SMAD4: variants seen among roughly 807,000 people sequenced by gnomAD.
The protein encoded by SMAD4 is MAD homolog 4.
A neutral mutation model predicts 63.2 loss-of-function variants in SMAD4; 7 were observed. The observed-to-expected ratio is 0.11, with a 90% CI of 0.06 to 0.21. The LOEUF is 0.21. Among genes scored for constraint, SMAD4 ranks in the 10% least tolerant of loss-of-function variants. The pLI, the probability that SMAD4 is intolerant of heterozygous loss-of-function variation, is 1.00. For missense variants in SMAD4, 312 were observed against 693.8 expected, an observed-to-expected ratio of 0.45 and a Z score of 6.18; for synonymous variants, 215 against 235.4, an observed-to-expected ratio of 0.91 and a Z score of 0.79.
rs1294320288 is a variant in SMAD4, at chr18:51,030,614, C to G, written c.-137C>G. The stretch of plus-strand genomic sequence containing the variant: ...GAGAGCGGACTCCCCTCGCCACCGC[C>G]CGAGCCCAGGTAACCGCGCCATGTC... On this transcript the variant is annotated 5_prime_UTR_variant, in exon 1 of 12. Coordinates refer to ENST00000342988, the MANE Select transcript of SMAD4 (RefSeq NM_005359.6). 1 of 149,986 alleles carries G rather than the reference C, an allele frequency of 6.7e-6. No individual in the cohort carries two copies. Among genetic ancestry groups the G allele is most frequent in the Non-Finnish European group, 1.5e-5 (1 of 67,156 alleles). The allele number at this position is 149,986 out of a possible 1,614,324, so 9.3% of individuals were successfully genotyped here.
At chr18:51,066,314 A>T (rs1910149727) in intron 9 of SMAD4, among the ~76,000 whole-genome samples, 1 of 151,296 alleles carries the variant, frequency 6.6e-6, no homozygotes. Flanking sequence ...ACTGCACCCC[A>T]GCCTGGGTGA....
intron 11 of SMAD4, chr18:51,077,408 C>A: frequency 1.0e-6 from 1 of 984,632 alleles, no homozygotes; most frequent in Non-Finnish European, 1.2e-6. Context: ...TGTTCTTAAC[C>A]TCTTCAGTGT....
intron 1 of SMAD4, among the ~76,000 whole-genome samples, chr18:51,043,528 A>G (rs1000278095): frequency 9.2e-5 from 14 of 152,226 alleles, no homozygotes; most frequent in Non-Finnish European, 1.9e-4. Context: ...TAATGTAGGA[A>G]TACATCTCTT....
At chr18:51,049,398 A>G in intron 4 of SMAD4, 74 bp downstream of exon 4, 1 of 1,062,742 alleles carries the variant, frequency 9.4e-7, no homozygotes, top group Non-Finnish European at 1.5e-6. Context: ...ACCTAGAATT[A>G]GTTTGTGTGA....
intron 1 of SMAD4, among the ~76,000 whole-genome samples, chr18:51,036,473 A>G (rs1003037047): frequency 6.6e-5 from 10 of 152,184 alleles, no homozygotes; most frequent in Admixed American, 1.3e-4. Flanking sequence ...TAATGGGGTA[A>G]GCTAAGCCAG....
chr18:51,057,271 G>T (rs1350074018), intron 5 of SMAD4, among the ~76,000 whole-genome samples: 1 of 151,942 alleles, frequency 6.6e-6, no homozygotes, highest in African/African-American at 2.4e-5. Context: ...TTCCAAATAG[G>T]ATTAACAGTC....
In SMAD4 at chr18:51,059,915, T is replaced by C. The variant is rs773615487; in HGVS notation, c.954T>C (p.Pro318=). ...LAFQPPISNH[P]APEYWCSIAY... ...TCCAGCCTCCCATTTCCAATCATCC[T>C]GGTAAGTGTATTTCAAAATTGATTT... is the stretch of plus-strand genomic sequence containing the variant. Residue 318 remains proline (P), a splice_region_variant and synonymous_variant, in exon 8 of 12, where the codon CCT becomes CCC. Coordinates refer to ENST00000342988, the MANE Select transcript of SMAD4 (RefSeq NM_005359.6). 5 of 1,609,634 alleles carry C rather than the reference T, an allele frequency of 3.1e-6. No individual in the cohort carries two copies. The South Asian group carries it at 4.4e-5, about 14-fold the overall frequency.
chr18:51,062,798 C>T (rs1910049259), intron 8 of SMAD4, among the ~76,000 whole-genome samples: 1 of 150,332 alleles, frequency 6.7e-6, no homozygotes, highest in African/African-American at 2.4e-5. Flanking sequence ...CATGCCTGGC[C>T]CTTTTAAAGT....
chr18:51,083,890 A>G lies in SMAD4; in HGVS notation c.*5423A>G, dbSNP rs1024819558. 1.3e-5 allele frequency: 3 copies of G among 231,170 alleles called. No homozygotes were observed. The highest frequency in any genetic ancestry group is 2.6e-5 in the Non-Finnish European group (3 of 116,780). 14.3% of individuals were successfully genotyped at this position (231,170 alleles called of 1,614,324 possible). A position where few individuals can be genotyped will look rare whatever the true frequency, so the allele number is the denominator to read the frequency against. Reference sequence around the variant, plus strand: ...CAAAGGAGACTAGGCTTGATATTTTATTACTGTTCTTTTATGGACAAAAGG... The same window carrying G: ...CAAAGGAGACTAGGCTTGATATTTTGTTACTGTTCTTTTATGGACAAAAGG... On this transcript the variant is annotated 3_prime_UTR_variant, in exon 12 of 12. Transcript: ENST00000342988.
rs886053930 is a variant in SMAD4 at position 51,084,043 on chromosome 18, C to G, written c.*5576C>G. ...ACACACACACACACACACACACACACAGGTCAGAGTTTAAGGCTTTCGAGT... is the reference window on the plus strand; with the variant it reads ...ACACACACACACACACACACACACAGAGGTCAGAGTTTAAGGCTTTCGAGT... On this transcript the variant is annotated 3_prime_UTR_variant, in exon 12 of 12. Transcript: ENST00000342988. 9 of 226,690 alleles carry G rather than the reference C, an allele frequency of 4.0e-5. No homozygotes were observed. The highest frequency in any genetic ancestry group is 1.6e-4 in the African/African-American group (7 of 44,022). The allele number at this position is 226,690 out of a possible 1,614,324, so 14.0% of individuals were successfully genotyped here.
intron 11 of SMAD4, among the ~76,000 whole-genome samples, chr18:51,077,647 A>G (rs1261089058): frequency 6.6e-6 from 1 of 152,162 alleles, no homozygotes; most frequent in Non-Finnish European, 1.5e-5. Flanking sequence ...TTGATTTTTT[A>G]AAATTTGGGG....
At chr18:51,047,842 C>T (rs1490542421) in intron 2 of SMAD4, among the ~76,000 whole-genome samples, 3 of 152,162 alleles carry the variant, frequency 2.0e-5, no homozygotes, top group African/African-American at 7.2e-5. Context: ...CCGCTGACCT[C>T]AGGTGATCCA....
chr18:51,065,330 C>T, intron 8 of SMAD4, 93 bp from the exon 9 acceptor site: 1 of 1,022,540 alleles, frequency 9.8e-7, no homozygotes, highest in Non-Finnish European at 1.6e-6. Context: ...CTCCCTTTAC[C>T]CTTTCTTTTA....
Position 51,084,826 on chromosome 18 carries a change from C to G in SMAD4, c.*6359C>G. 8.7e-6 allele frequency: 2 copies of G among 228,590 alleles called. No individual in the cohort carries two copies. The highest frequency in any genetic ancestry group is 1.7e-5 in the Non-Finnish European group (2 of 115,150). 14.2% of individuals were successfully genotyped at this position (228,590 alleles called of 1,614,324 possible). A position where few individuals can be genotyped will look rare whatever the true frequency, so the allele number is the denominator to read the frequency against. On this transcript the variant is annotated 3_prime_UTR_variant, in exon 12 of 12. Transcript: ENST00000342988. ...GTGGTATTTCCCAACTGTTTCCTCC[C>G]CTAAATTCAGAGGAATGCAGCTATG...
chr18:51,042,326 T>G (rs1219164334), intron 1 of SMAD4, among the ~76,000 whole-genome samples: 22 of 75,204 alleles, frequency 2.9e-4, no homozygotes, highest in African/African-American at 1.2e-3. Context: ...CCTCCCTCCC[T>G]CCCTCTCTCC....
At chr18:51,032,026 C>T (rs1466249497) in intron 1 of SMAD4, among the ~76,000 whole-genome samples, 1 of 152,064 alleles carries the variant, frequency 6.6e-6, no homozygotes, top group Admixed American at 6.5e-5. Flanking sequence ...ATAATGCTGT[C>T]ATGATTTTGT....
chr18:51,059,786 T>G (rs1455494201), intron 7 of SMAD4, 80 bp from the exon 8 acceptor site: 2 of 1,029,014 alleles, frequency 1.9e-6, no homozygotes, highest in East Asian at 4.9e-5. Flanking sequence ...ATAGTTATAT[T>G]TAAGTAAGAT....
Position 51,084,028 on chromosome 18 carries a change from AC to A in SMAD4, c.*5562del, listed in dbSNP as rs1458212061. The A allele has an allele frequency of 1.3e-5, 3 of 231,712 alleles. No homozygotes were observed. Among genetic ancestry groups the A allele is most frequent in the Non-Finnish European group, 2.6e-5 (3 of 117,562 alleles). The allele number at this position is 231,712 out of a possible 1,614,324, so 14.4% of individuals were successfully genotyped here. ...CGCGCGCGCGCACACACACACACACACACACACACACACACAGGTCAGAGTT... is the reference window on the plus strand; with the variant it reads ...CGCGCGCGCGCACACACACACACACAACACACACACACACAGGTCAGAGTT... On this transcript the variant is annotated 3_prime_UTR_variant, in exon 12 of 12. Transcript: ENST00000342988.
In SMAD4 at chr18:51,078,469, G is replaced by A; in HGVS notation, c.*2G>A. 6.2e-7 allele frequency: 1 copy of A among 1,609,220 alleles called. No homozygotes were observed. The highest frequency in any genetic ancestry group is 1.3e-5 in the African/African-American group (1 of 74,904). On this transcript the variant is annotated 3_prime_UTR_variant, in exon 12 of 12. Transcript: ENST00000342988. The stretch of plus-strand genomic sequence containing the variant: ...GCAGACCCACAACCTTTAGACTGAG[G>A]TCTTTTACCGTTGGGGCCCTTAACC...
Sources: gnomAD v4.1 joint callset for allele counts (sites outside exome capture counted in the v4.1 genomes callset) on GRCh38, gnomAD v4.1.1 for gene constraint, MANE v1.5 for transcripts, NCBI Gene and HGNC (gene_info 2026-07-23, HGNC 2026-07-21) for gene names.